CMC2: variants seen among roughly 807,000 people sequenced by gnomAD.
CMC2 encodes COX assembly mitochondrial protein 2 homolog.
CMC2 carries 5 observed loss-of-function variants against 7.5 expected under a neutral mutation model. The ratio of observed to expected loss-of-function variants is 0.66; its 90% confidence interval spans 0.35 to 1.40. The LOEUF (loss-of-function observed/expected upper bound fraction) is 1.40. Ranked by LOEUF, CMC2 falls within the 40% of genes most tolerant of loss-of-function variation. CMC2 has a pLI of 0.04. For synonymous variants in CMC2, 37 were observed against 31.4 expected (o/e 1.18, Z -0.60); for missense variants, 115 against 92.3 (o/e 1.25, Z -1.01).
At position 80,966,921 on chromosome 16, in the gene CMC2, A is replaced by T. The variant is rs1366983737; in HGVS notation, c.*9172T>A. ...TATTTAACTACTGTCCTATTCGTAG[A>T]CATATAGAGCCCGTCTTATTTTAAT... On this transcript the variant is annotated 3_prime_UTR_variant, in exon 4 of 4. Transcript: ENST00000219400. 1 of 152,186 alleles carries T rather than the reference A, an allele frequency of 6.6e-6. No individual in the cohort carries two copies. The highest frequency in any genetic ancestry group is 2.4e-5 in the African/African-American group (1 of 41,440). The allele number at this position is 152,186 out of a possible 1,614,324, so 9.4% of individuals were successfully genotyped here. A position where few individuals can be genotyped will look rare whatever the true frequency, so the allele number is the denominator to read the frequency against.
chr16:80,984,703 T>A (rs370185278), intron 2 of CMC2, among the ~76,000 whole-genome samples: 5 of 152,200 alleles, frequency 3.3e-5, no homozygotes, highest in African/African-American at 1.2e-4. Context: ...TCAAGTCAAG[T>A]AGACTTTTCA....
chr16:80,997,197 C>T, intron 2 of CMC2, 117 bp downstream of exon 2: 1 of 693,580 alleles, frequency 1.4e-6, no homozygotes, highest in Non-Finnish European at 2.6e-6. Context: ...CTTGACTAAA[C>T]TCAGACTCCT....
rs1912054020 is a variant in CMC2, at chr16:80,973,241, C to T, written c.*2852G>A. On this transcript the variant is annotated 3_prime_UTR_variant, in exon 4 of 4. Coordinates refer to ENST00000219400, the MANE Select transcript of CMC2 (RefSeq NM_020188.5). Reference sequence around the variant, plus strand: ...ATGAGTTCTAGAGGCCTGGCCCTTCCTTCTGCCTCATATTAAGCCCCTCAC... The same window carrying T: ...ATGAGTTCTAGAGGCCTGGCCCTTCTTTCTGCCTCATATTAAGCCCCTCAC... The T allele has an allele frequency of 6.6e-6, 1 of 152,262 alleles. No homozygotes were observed. The highest frequency in any genetic ancestry group is 1.5e-5 in the Non-Finnish European group (1 of 68,088). The allele number at this position is 152,262 out of a possible 1,614,324, so 9.4% of individuals were successfully genotyped here.
intron 2 of CMC2, among the ~76,000 whole-genome samples, chr16:80,985,517 G>T (rs1159642742): frequency 6.6e-6 from 1 of 152,092 alleles, no homozygotes; most frequent in Non-Finnish European, 1.5e-5. Context: ...ATTTATCATT[G>T]TAATTTTAAA....
chr16:80,978,538 G>A, intron 3 of CMC2: 2 of 388,582 alleles, frequency 5.1e-6, no homozygotes, highest in South Asian at 2.2e-5. Flanking sequence ...GGACAAAAGA[G>A]AATGCCACAA....
intron 1 of CMC2, among the ~76,000 whole-genome samples, chr16:81,005,240 G>T (rs1197979391): frequency 2.6e-5 from 4 of 152,148 alleles, no homozygotes; most frequent in African/African-American, 4.8e-5. Context: ...GGCCAACATG[G>T]TGAATCCCCG....
At position 80,968,109 on chromosome 16, in the gene CMC2, A is replaced by G. The variant is rs1911679606; in HGVS notation, c.*7984T>C. The stretch of plus-strand genomic sequence containing the variant: ...TAGGCATTTTATGGAAGGCAGTTAC[A>G]TCAGAAAGAGTCTAAGTCAATGCTT... On this transcript the variant is annotated 3_prime_UTR_variant, in exon 4 of 4. Coordinates refer to ENST00000219400, the MANE Select transcript of CMC2 (RefSeq NM_020188.5). 6.6e-6 allele frequency: 1 copy of G among 152,250 alleles called. No homozygotes were observed. Among genetic ancestry groups the G allele is most frequent in the East Asian group, 1.9e-4 (1 of 5,204 alleles). The allele number at this position is 152,250 out of a possible 1,614,324, so 9.4% of individuals were successfully genotyped here.
chr16:80,991,780 T>A (rs1312807123), intron 2 of CMC2: 1 of 349,936 alleles, frequency 2.9e-6, no homozygotes, highest in South Asian at 2.2e-5. Context: ...CGAAAACACA[T>A]GATCCCAATC....
intron 1 of CMC2, among the ~76,000 whole-genome samples, chr16:81,005,327 A>C (rs977216938): frequency 1.3e-5 from 2 of 152,090 alleles, no homozygotes; most frequent in African/African-American, 4.8e-5. Flanking sequence ...CACGAGAATC[A>C]CTAGAACTCG....
rs1163206967 is a variant in CMC2 at position 80,966,736 on chromosome 16, C to T, written c.*9357G>A. 3.3e-5 allele frequency: 5 copies of T among 152,124 alleles called. No individual in the cohort carries two copies. The highest frequency in any genetic ancestry group is 7.4e-5 in the Non-Finnish European group (5 of 68,020). 9.4% of individuals were successfully genotyped at this position (152,124 alleles called of 1,614,324 possible). On this transcript the variant is annotated 3_prime_UTR_variant, in exon 4 of 4. Transcript: ENST00000219400. ...TTCCTTTCTGTGGTTATAAAATCAA[C>T]TTGACATGTACTCGAGTTATTTGTT...
At chr16:80,989,829 T>G (rs1967832866) in intron 2 of CMC2, among the ~76,000 whole-genome samples, 1 of 152,250 alleles carries the variant, frequency 6.6e-6, no homozygotes, top group South Asian at 2.1e-4. Flanking sequence ...AACCTGTCTC[T>G]TTTCGTCTAC....
At chr16:81,003,664 T>A (rs1312665727) in intron 1 of CMC2, among the ~76,000 whole-genome samples, 1 of 152,136 alleles carries the variant, frequency 6.6e-6, no homozygotes, top group East Asian at 1.9e-4. Context: ...AAAAACTATT[T>A]CCCAAAGAGC....
At chr16:80,994,888 G>T (rs1298313059) in intron 2 of CMC2, among the ~76,000 whole-genome samples, 1 of 152,090 alleles carries the variant, frequency 6.6e-6, no homozygotes, top group Non-Finnish European at 1.5e-5. Context: ...GCTCATGCCT[G>T]TAATCCCAGC....
intron 3 of CMC2, among the ~76,000 whole-genome samples, chr16:80,978,833 G>A (rs1424145056): frequency 6.6e-6 from 1 of 152,160 alleles, no homozygotes; most frequent in African/African-American, 2.4e-5. Flanking sequence ...TGTAACCCCA[G>A]CACTTTAGGA....
intron 2 of CMC2, among the ~76,000 whole-genome samples, chr16:80,996,509 C>G (rs1243117081): frequency 1.8e-4 from 27 of 152,264 alleles, no homozygotes; most frequent in Non-Finnish European, 2.9e-5. Context: ...AAAATATTGT[C>G]ATCAACAACA....
At position 80,969,874 on chromosome 16, in the gene CMC2, G is replaced by A. The variant is rs1454029021; in HGVS notation, c.*6219C>T. The A allele has an allele frequency of 6.6e-6, 1 of 152,144 alleles. No homozygotes were observed. Among genetic ancestry groups the A allele is most frequent in the Non-Finnish European group, 1.5e-5 (1 of 68,050 alleles). 9.4% of individuals were successfully genotyped at this position (152,144 alleles called of 1,614,324 possible). A position where few individuals can be genotyped will look rare whatever the true frequency, so the allele number is the denominator to read the frequency against. The stretch of plus-strand genomic sequence containing the variant: ...ACTGCACCCCAGCCTGGGTGACACA[G>A]CAAGACTCCGTCTCAATTAGAAAAG... On this transcript the variant is annotated 3_prime_UTR_variant, in exon 4 of 4. Transcript: ENST00000219400.
intron 2 of CMC2, among the ~76,000 whole-genome samples, chr16:80,987,525 C>A (rs766126503): frequency 6.6e-6 from 1 of 152,142 alleles, no homozygotes. Context: ...GTTCTAAATT[C>A]TGTATTTTAC....
intron 1 of CMC2, 41 bp from the exon 2 acceptor site, chr16:80,997,470 T>C: frequency 9.9e-7 from 1 of 1,011,672 alleles, no homozygotes; most frequent in Non-Finnish European, 1.6e-6. Context: ...TAAACACATT[T>C]GTTACGCCAC....
rs905236137 is a variant in CMC2, at chr16:80,968,360, C to T, written c.*7733G>A. The T allele has an allele frequency of 6.6e-6, 1 of 152,240 alleles. No homozygotes were observed. The highest frequency in any genetic ancestry group is 1.5e-5 in the Non-Finnish European group (1 of 68,094). The allele number at this position is 152,240 out of a possible 1,614,324, so 9.4% of individuals were successfully genotyped here. ...TACTGGGATTACAGGCGCAAGCCAC[C>T]CCACACGGCTGAGATTCTGCGTTGC... On this transcript the variant is annotated 3_prime_UTR_variant, in exon 4 of 4. Coordinates refer to ENST00000219400, the MANE Select transcript of CMC2 (RefSeq NM_020188.5).
Sources: allele counts gnomAD v4.1 joint callset (sites outside exome capture counted in the v4.1 genomes callset), GRCh38; gene constraint gnomAD v4.1.1; transcripts MANE v1.5; gene names NCBI Gene and HGNC (gene_info 2026-07-23, HGNC 2026-07-21).